PNO1: variants seen among roughly 807,000 people sequenced by gnomAD.
PNO1 encodes the protein partner of NOB1 homolog.
Under a neutral mutation model 28.4 loss-of-function variants are expected in PNO1, and 16 were observed. That is an observed-to-expected ratio of 0.56 (90% confidence interval 0.38 to 0.85). The LOEUF (loss-of-function observed/expected upper bound fraction) is 0.85, where lower values mean the gene tolerates loss of function less well. PNO1 is among the 40% of genes least tolerant of loss of function. The pLI is 0.00. For missense variants in PNO1, 304 were observed against 312.2 expected, an observed-to-expected ratio of 0.97 and a Z score of 0.20; for synonymous variants, 115 against 110.8, an observed-to-expected ratio of 1.04 and a Z score of -0.24.
chr2:68,158,333 C>A, intron 1 of PNO1, 47 bp from the exon 2 acceptor site: 1 of 1,556,334 alleles, frequency 6.4e-7, no homozygotes, highest in South Asian at 1.2e-5. Flanking sequence ...TAAACTCCAT[C>A]ACCGTCCCTC....
chr2:68,173,619 G>C (rs1056936602), intron 6 of PNO1, among the ~76,000 whole-genome samples: 2 of 130,326 alleles, frequency 1.5e-5, no homozygotes, highest in Admixed American at 8.9e-5. Flanking sequence ...GTCTCGCTGT[G>C]TCGCCTAGGT....
Position 68,174,950 on chromosome 2 carries a change from G to T in PNO1, c.*148G>T, listed in dbSNP as rs1415940149. The T allele has an allele frequency of 1.9e-6, 1 of 534,558 alleles. No homozygotes were observed. Among genetic ancestry groups the T allele is most frequent in the Non-Finnish European group, 3.4e-6 (1 of 297,264 alleles). The allele number at this position is 534,558 out of a possible 1,614,324, so 33.1% of individuals were successfully genotyped here. ...CTCAGCCAGAAGCATAAACAGAAAA[G>T]AAAGATTTAAGAGGATTCACACTCA... On this transcript the variant is annotated 3_prime_UTR_variant, in exon 7 of 7. Coordinates refer to ENST00000263657, the MANE Select transcript of PNO1 (RefSeq NM_020143.4).
intron 6 of PNO1, among the ~76,000 whole-genome samples, chr2:68,173,643 T>C (rs1674192389): frequency 7.1e-6 from 1 of 140,468 alleles, no homozygotes; most frequent in Non-Finnish European, 1.5e-5. Flanking sequence ...AGTGCAGTGG[T>C]GCGATCTCGG....
chr2:68,161,309 C>T (rs768202139), intron 2 of PNO1: 3 of 474,310 alleles, frequency 6.3e-6, no homozygotes, highest in African/African-American at 2.0e-5. Flanking sequence ...CCAGGGAAGA[C>T]TGCCTTGAGA....
At chr2:68,172,201 GTGATC>G in intron 5 of PNO1, among the ~76,000 whole-genome samples, 1 of 152,332 alleles carries the variant, frequency 6.6e-6, no homozygotes, top group South Asian at 2.1e-4. Context: ...ATCTTCACAG[GTGATC>G]TGTAGGGGCA....
intron 5 of PNO1, among the ~76,000 whole-genome samples, chr2:68,163,384 TA>T (rs1450182009): frequency 4.0e-5 from 6 of 151,870 alleles, no homozygotes; most frequent in Admixed American, 1.3e-4. Context: ...ATACAAAAAT[TA>T]GCCGGGCATG....
chr2:68,158,283 G>A, intron 1 of PNO1, 97 bp from the exon 2 acceptor site: 1 of 1,380,114 alleles, frequency 7.2e-7, no homozygotes, highest in Non-Finnish European at 1.0e-6. Context: ...AGTGTAACTA[G>A]TTCAGTTAAA....
chr2:68,158,357 GT>G, intron 1 of PNO1, 22 bp from the exon 2 acceptor site: 1 of 1,601,174 alleles, frequency 6.2e-7, no homozygotes, highest in South Asian at 1.1e-5. Flanking sequence ...AGCCTTCTGA[GT>G]TGTGTGTTCT....
intron 5 of PNO1, among the ~76,000 whole-genome samples, chr2:68,172,776 T>TTC: frequency 6.6e-6 from 1 of 152,286 alleles, no homozygotes; most frequent in South Asian, 2.1e-4. Context: ...CATGTGAGGA[T>TTC]TAATGAGGGC....
chr2:68,168,813 T>C, intron 5 of PNO1, among the ~76,000 whole-genome samples: 1 of 152,180 alleles, frequency 6.6e-6, no homozygotes, highest in Admixed American at 6.5e-5. Flanking sequence ...GAATTTCCTT[T>C]TCTTTTTTTT....
At chr2:68,165,535 G>A (rs1195702876) in intron 5 of PNO1, among the ~76,000 whole-genome samples, 1 of 102,572 alleles carries the variant, frequency 9.7e-6, no homozygotes, top group East Asian at 3.4e-4. Context: ...GACAGAGTGA[G>A]ACTCCATCTC....
chr2:68,175,041 A>ATT lies in PNO1; in HGVS notation c.*240_*241insTT. On this transcript the variant is annotated 3_prime_UTR_variant, in exon 7 of 7. Coordinates refer to ENST00000263657, the MANE Select transcript of PNO1 (RefSeq NM_020143.4). ...ATACTTAACACATTAGGTATAATTT[A>ATT]TCATTTATCTGAAATCACATGTAGC... The ATT allele has an allele frequency of 2.5e-6, 1 of 395,592 alleles. No homozygotes were observed. The highest frequency in any genetic ancestry group is 4.6e-6 in the Non-Finnish European group (1 of 219,356). 24.5% of individuals were successfully genotyped at this position (395,592 alleles called of 1,614,324 possible).
chr2:68,167,147 G>A (rs576119512), intron 5 of PNO1, among the ~76,000 whole-genome samples: 19 of 152,266 alleles, frequency 1.2e-4, no homozygotes, highest in Admixed American at 1.0e-3. Flanking sequence ...TTTCCATCGA[G>A]TTCTCTTCCA....
rs373109542 is a variant in PNO1, at chr2:68,162,565, C to A, written c.522C>A (p.Asp174Glu). 3 of 1,612,678 alleles carry A rather than the reference C, an allele frequency of 1.9e-6. No homozygotes were observed. The African/African-American group carries it at 4.0e-5, about 22-fold the overall frequency. ...EITDVKPLKG[D>E]HLSRAIGRIA... ...GTTTAGTTAAACCCCTAAAGGGAGA[C>A]CATCTATCCAGGGCAATAGGAAGAA... The change falls in exon 5 of 7, where the codon GAC becomes GAA. Residue 174 changes from aspartate (D) to glutamate (E), a missense_variant. Coordinates refer to ENST00000263657, the MANE Select transcript of PNO1 (RefSeq NM_020143.4).
At chr2:68,164,972 G>A (rs181272731) in intron 5 of PNO1, among the ~76,000 whole-genome samples, 18 of 152,076 alleles carry the variant, frequency 1.2e-4, no homozygotes, top group Admixed American at 3.9e-4. Flanking sequence ...AGCATTCCGA[G>A]TGTGTACCAC....
At chr2:68,163,642 G>A (rs1016484529) in intron 5 of PNO1, among the ~76,000 whole-genome samples, 11 of 151,612 alleles carry the variant, frequency 7.3e-5, no homozygotes, top group Admixed American at 7.2e-4. Flanking sequence ...TATTTCAGAT[G>A]CCCTTGTGAG....
chr2:68,172,490 A>G (rs1249191387), intron 5 of PNO1, among the ~76,000 whole-genome samples: 3 of 152,226 alleles, frequency 2.0e-5, no homozygotes, highest in Admixed American at 2.0e-4. Context: ...GCACAGTGAA[A>G]ACAGTTTGGA....
chr2:68,165,343 G>A (rs1156401644), intron 5 of PNO1, among the ~76,000 whole-genome samples: 7 of 132,162 alleles, frequency 5.3e-5, no homozygotes, highest in Admixed American at 8.2e-5. Context: ...CAGCCTGGGC[G>A]ACAGAGCGAG....
chr2:68,168,680 A>G (rs937609129), intron 5 of PNO1, among the ~76,000 whole-genome samples: 1 of 152,160 alleles, frequency 6.6e-6, no homozygotes, highest in Non-Finnish European at 1.5e-5. Flanking sequence ...TCTTATTGCC[A>G]CAGTCTGTTC....
Sources: allele counts gnomAD v4.1 joint callset (sites outside exome capture counted in the v4.1 genomes callset), GRCh38; gene constraint gnomAD v4.1.1; transcripts MANE v1.5; gene names NCBI Gene and HGNC (gene_info 2026-07-23, HGNC 2026-07-21).